Variants in CDH10 observed in about 807,000 individuals in gnomAD.
The protein encoded by CDH10 is cadherin-10.
In CDH10, 30 loss-of-function variants were observed where a neutral mutation model predicts 73.1. The ratio of observed to expected loss-of-function variants is 0.41; its 90% CI spans 0.31 to 0.56. The LOEUF (loss-of-function observed/expected upper bound fraction) is 0.56. Ranked by LOEUF, CDH10 falls within the 20% of genes least tolerant of loss-of-function variation. The pLI is 0.27. For missense variants in CDH10, 815 were observed against 973.7 expected (o/e 0.84, Z 2.17); for synonymous variants, 345 against 348.2 (o/e 0.99, Z 0.10).
Position 24,511,380 on chromosome 5 carries a change from ACATAT to A in CDH10, c.944_948del (p.Asp315ValfsTer2). On this transcript the variant is annotated frameshift_variant, in exon 6 of 12. Coordinates refer to ENST00000264463, the MANE Select transcript of CDH10 (RefSeq NM_006727.5). LOFTEE classifies it high-confidence loss of function. ...GTGTCCTTCTCAGTCACGATGTCAA[ACATAT>A]CAGTACCGTCACCATCAATAATTCG... is the stretch of plus-strand genomic sequence containing the variant. 1 of 1,612,682 alleles carries A rather than the reference ACATAT, an allele frequency of 6.2e-7. No homozygotes were observed. Among genetic ancestry groups the A allele is most frequent in the Non-Finnish European group, 8.5e-7 (1 of 1,178,744 alleles).
rs2111764911 is a variant in CDH10, at chr5:24,511,405, A to T, written c.924T>A (p.Ile308=). 6.2e-7 allele frequency: 1 copy of T among 1,611,474 alleles called. No homozygotes were observed. Among genetic ancestry groups the T allele is most frequent in the Non-Finnish European group, 8.5e-7 (1 of 1,177,598 alleles). The change falls in exon 6 of 12, where the codon ATT becomes ATA. Residue 308 remains isoleucine, a synonymous_variant. Transcript: ENST00000264463. The stretch of plus-strand genomic sequence containing the variant: ...ACATATCAGTACCGTCACCATCAAT[A>T]ATTCGGTATTCTACTTCAGCATTTT... ...TGKNAEVEYR[I]IDGDGTDMFD... is the part of the protein sequence containing the mutation.
chr5:24,493,629 TG>T (rs1742148134), intron 9 of CDH10, among the ~76,000 whole-genome samples: 2 of 151,906 alleles, frequency 1.3e-5, no homozygotes, highest in African/African-American at 4.8e-5. Context: ...GTATGTATGA[TG>T]TATATATATG....
intron 1 of CDH10, among the ~76,000 whole-genome samples, chr5:24,600,969 T>C (rs1337610652): frequency 6.6e-6 from 1 of 152,034 alleles, no homozygotes; most frequent in Non-Finnish European, 1.5e-5. Context: ...CCTAGGCAGT[T>C]TGTATATGTG....
intron 2 of CDH10, among the ~76,000 whole-genome samples, chr5:24,545,459 C>T (rs1172858167): frequency 6.6e-6 from 1 of 152,090 alleles, no homozygotes; most frequent in Non-Finnish European, 1.5e-5. Context: ...TCCTTTTCAC[C>T]AAGAAAGGCA....
intron 1 of CDH10, among the ~76,000 whole-genome samples, chr5:24,616,478 T>C (rs905785156): frequency 2.6e-5 from 4 of 151,896 alleles, no homozygotes; most frequent in Admixed American, 6.6e-5. Flanking sequence ...GAAAAATGAA[T>C]GGTAGAAATA....
chr5:24,579,623 C>T (rs942773747), intron 2 of CDH10, among the ~76,000 whole-genome samples: 2 of 152,044 alleles, frequency 1.3e-5, no homozygotes, highest in African/African-American at 4.8e-5. Context: ...CAATTCAAAC[C>T]TCTCCTCATT....
intron 2 of CDH10, among the ~76,000 whole-genome samples, chr5:24,592,780 C>T (rs1420304433): frequency 6.6e-6 from 1 of 151,664 alleles, no homozygotes; most frequent in East Asian, 1.9e-4. Flanking sequence ...AATAAATTTT[C>T]TTATAATAAG....
At chr5:24,580,304 A>G (rs1745752474) in intron 2 of CDH10, among the ~76,000 whole-genome samples, 2 of 152,142 alleles carry the variant, frequency 1.3e-5, no homozygotes, top group South Asian at 2.1e-4. Flanking sequence ...TTTCCCTGTT[A>G]AATACCTTTT....
intron 2 of CDH10, among the ~76,000 whole-genome samples, chr5:24,544,351 T>G (rs1231316207): frequency 1.3e-5 from 2 of 152,016 alleles, no homozygotes; most frequent in Admixed American, 6.6e-5. Flanking sequence ...ATGAAATAGA[T>G]TATAAAAACA....
Position 24,614,142 on chromosome 5 carries a change from T to A in CDH10, c.-123-20529A>T, listed in dbSNP as rs2174530. On this transcript the variant is annotated intron_variant, in intron 1 of 11. Coordinates refer to ENST00000264463, the MANE Select transcript of CDH10 (RefSeq NM_006727.5). ...GGTCAGTGTCATTACATATCTATAA[T>A]GCAATCATGATGGATCCAAAAATGT... Among the ~76,000 whole-genome samples, 3 of 152,168 alleles carry A rather than the reference T, an allele frequency of 2.0e-5. 1 individual carries two copies. The highest frequency in any genetic ancestry group is 2.0e-4 in the Admixed American group (3 of 15,264).
At chr5:24,630,385 C>A (rs1364056729) in intron 1 of CDH10, among the ~76,000 whole-genome samples, 1 of 151,790 alleles carries the variant, frequency 6.6e-6, no homozygotes, top group Non-Finnish European at 1.5e-5. Flanking sequence ...AACCCCATCT[C>A]TACTAAAGAT....
At chr5:24,506,747 T>C (rs1405672993) in intron 7 of CDH10, among the ~76,000 whole-genome samples, 1 of 152,204 alleles carries the variant, frequency 6.6e-6, no homozygotes, top group Non-Finnish European at 1.5e-5. Context: ...AATGACCTAA[T>C]TAATTGGCAT....
chr5:24,552,757 CTTAT>C (rs1427535321), intron 2 of CDH10, among the ~76,000 whole-genome samples: 2 of 151,942 alleles, frequency 1.3e-5, no homozygotes, highest in Non-Finnish European at 2.9e-5. Context: ...TGTCTAAATT[CTTAT>C]TTTTCTGTGC....
In CDH10 at chr5:24,487,119, AT is replaced by A. The variant is rs928694265; in HGVS notation, c.*543del. Reference sequence around the variant, plus strand: ...ACAAAGTAGTTGTAAAAACTGGTTTATTTTTTTAAAAATAAATACAAAAATA... The same window carrying A: ...ACAAAGTAGTTGTAAAAACTGGTTTATTTTTTAAAAATAAATACAAAAATA... On this transcript the variant is annotated 3_prime_UTR_variant, in exon 12 of 12. Transcript: ENST00000264463. The A allele has an allele frequency of 6.6e-6, 1 of 152,562 alleles. No individual in the cohort carries two copies. The highest frequency in any genetic ancestry group is 2.1e-4 in the South Asian group (1 of 4,832). 9.5% of individuals were successfully genotyped at this position (152,562 alleles called of 1,614,324 possible). A position where few individuals can be genotyped will look rare whatever the true frequency, so the allele number is the denominator to read the frequency against.
At chr5:24,542,882 C>T (rs567074591) in intron 2 of CDH10, among the ~76,000 whole-genome samples, 1 of 152,226 alleles carries the variant, frequency 6.6e-6, no homozygotes, top group Admixed American at 6.5e-5. Flanking sequence ...CACACCTAAG[C>T]GCCTCACAAA....
intron 1 of CDH10, among the ~76,000 whole-genome samples, chr5:24,643,248 T>C (rs1010184517): frequency 2.1e-4 from 32 of 152,274 alleles, no homozygotes; most frequent in African/African-American, 7.2e-4. Flanking sequence ...AACCTCTTTC[T>C]TTCTTCTTCA....
chr5:24,605,599 T>C (rs1446844457), intron 1 of CDH10, among the ~76,000 whole-genome samples: 1 of 152,220 alleles, frequency 6.6e-6, no homozygotes, highest in Non-Finnish European at 1.5e-5. Context: ...TAATTGAAAC[T>C]TCCATACCTT....
In CDH10 at chr5:24,498,508, C is replaced by T. The variant is rs2111685551; in HGVS notation, c.1405G>A (p.Glu469Lys). 1 of 1,601,708 alleles carries T rather than the reference C, an allele frequency of 6.2e-7. No individual in the cohort carries two copies. The highest frequency in any genetic ancestry group is 8.5e-7 in the Non-Finnish European group (1 of 1,170,744). ...ACAAAAACAGCCACGCGTGTTGTCT[C>T]TTTGGGATTGTCTGGAAAAGGGGAA... ...VIAAEINNPK[E>K]TTRVAVFVRI... is the part of the protein sequence containing the mutation. The change falls in exon 9 of 12, where the codon GAG (glutamate) becomes AAG (lysine). Residue 469 changes from glutamate to lysine, a missense_variant. Physicochemically the swap from Glu to Lys is moderately conservative, Grantham distance 56. Coordinates refer to ENST00000264463, the MANE Select transcript of CDH10 (RefSeq NM_006727.5).
chr5:24,626,135 T>G (rs1436616182), intron 1 of CDH10, among the ~76,000 whole-genome samples: 1 of 152,104 alleles, frequency 6.6e-6, no homozygotes, highest in Non-Finnish European at 1.5e-5. Flanking sequence ...CAATGGCCAT[T>G]CAAATTCATG....
Sources: gnomAD v4.1 joint callset for allele counts (sites outside exome capture counted in the v4.1 genomes callset) on GRCh38, gnomAD v4.1.1 for gene constraint, MANE v1.5 for transcripts, NCBI Gene and HGNC (gene_info 2026-07-23, HGNC 2026-07-21) for gene names.